Variants in SMAGP observed in about 807,000 individuals in gnomAD.
SMAGP encodes the protein small cell adhesion glycoprotein.
SMAGP carries 7 observed loss-of-function variants against 10.1 expected under a neutral mutation model. The ratio of observed to expected loss-of-function variants is 0.70; its 90% CI spans 0.40 to 1.31. The LOEUF is 1.31. Among genes scored for constraint, SMAGP ranks in the 50% most tolerant of loss-of-function variants. The pLI is 0.01. For missense variants in SMAGP, 113 were observed against 116.5 expected (o/e 0.97, Z 0.14); for synonymous variants, 49 against 47.2 (o/e 1.04, Z -0.16).
At chr12:51,251,592 G>GA (rs370141151) in intron 2 of SMAGP, 9,534 of 100,100 alleles carry the variant, frequency 0.095, 391 homozygotes, top group Middle Eastern at 0.14. Context: ...CCCTGTTTCA[G>GA]AAAAAAAAAA....
intron 2 of SMAGP, among the ~76,000 whole-genome samples, chr12:51,260,686 T>A (rs1266532793): frequency 7.2e-6 from 1 of 138,244 alleles, no homozygotes; most frequent in Non-Finnish European, 1.6e-5. Context: ...CCAATTTTTT[T>A]TTTTTTTTTT....
intron 2 of SMAGP, among the ~76,000 whole-genome samples, chr12:51,257,125 G>A (rs1944892573): frequency 6.6e-6 from 1 of 152,156 alleles, no homozygotes; most frequent in Admixed American, 6.6e-5. Context: ...TGACTGGAGG[G>A]GAAAGGGAGT....
Position 51,246,790 on chromosome 12 carries a change from G to C in SMAGP, c.76C>G (p.Leu26Val), listed in dbSNP as rs764346286. The change falls in exon 3 of 4, where the codon CTG becomes GTG. Residue 26 changes from leucine (L) to valine (V), a missense_variant. Transcript: ENST00000603798. The stretch of plus-strand genomic sequence containing the variant: ...GTGCTGGCTCCATCTTCTGGGGACA[G>C]GGCCTCAGTGGGCTGTAAAATTGGG... ...TTPILQPTEA[L>V]SPEDGASTAL... 1 of 1,583,694 alleles carries C rather than the reference G, an allele frequency of 6.3e-7. No homozygotes were observed.
intron 2 of SMAGP, among the ~76,000 whole-genome samples, chr12:51,254,884 G>C (rs1028145675): frequency 6.6e-6 from 1 of 152,196 alleles, no homozygotes; most frequent in Admixed American, 6.5e-5. Context: ...AGGCCCCTGA[G>C]TGGGAGTAAC....
chr12:51,252,527 A>G (rs1399825564), intron 2 of SMAGP, among the ~76,000 whole-genome samples: 2 of 151,478 alleles, frequency 1.3e-5, no homozygotes, highest in East Asian at 3.9e-4. Context: ...AAGTAGCTGG[A>G]ATTACAGGCA....
intron 2 of SMAGP, among the ~76,000 whole-genome samples, chr12:51,251,251 T>TA (rs1375227123): frequency 2.6e-5 from 4 of 151,904 alleles, no homozygotes; most frequent in Non-Finnish European, 5.9e-5. Flanking sequence ...CTGGACAATA[T>TA]AGCAAGACAC....
rs546937703 is a variant in SMAGP, at chr12:51,259,656, T to C, written c.34+9589A>G. Among the ~76,000 whole-genome samples the C allele has an allele frequency of 7.9e-5, 12 of 152,314 alleles. No individual in the cohort carries two copies. In the East Asian group the frequency reaches 1.7e-3, roughly 22 times the overall value. On this transcript the variant is annotated intron_variant, in intron 2 of 3. Coordinates refer to ENST00000603798, the MANE Select transcript of SMAGP (RefSeq NM_001031628.2). Reference sequence around the variant, plus strand: ...AAAAACCACTGACACTGGAAGGATATACTCCAAAACAGCAGCAGGAGTTAC... The same window carrying C: ...AAAAACCACTGACACTGGAAGGATACACTCCAAAACAGCAGCAGGAGTTAC...
At chr12:51,264,713 C>A (rs1944958744) in intron 2 of SMAGP, among the ~76,000 whole-genome samples, 1 of 151,158 alleles carries the variant, frequency 6.6e-6, no homozygotes, top group Non-Finnish European at 1.5e-5. Flanking sequence ...AGGCGGATTG[C>A]CTGAGCTCAG....
intron 2 of SMAGP, among the ~76,000 whole-genome samples, chr12:51,263,773 C>CT (rs1483722783): frequency 6.6e-6 from 1 of 152,166 alleles, no homozygotes; most frequent in African/African-American, 2.4e-5. Flanking sequence ...GACTTATGCA[C>CT]TAGGCACAAC....
intron 2 of SMAGP, among the ~76,000 whole-genome samples, chr12:51,262,644 A>G (rs79054933): frequency 0.024 from 3,619 of 152,278 alleles, 138 homozygotes; most frequent in African/African-American, 0.083. Context: ...AGTCTTTCCA[A>G]ACCTTCCCTG....
At chr12:51,259,551 G>A (rs1944914811) in intron 2 of SMAGP, among the ~76,000 whole-genome samples, 1 of 152,104 alleles carries the variant, frequency 6.6e-6, no homozygotes, top group Admixed American at 6.6e-5. Context: ...CTTAGGTTCA[G>A]GAAGCCAACT....
intron 2 of SMAGP, among the ~76,000 whole-genome samples, chr12:51,262,158 TTC>T (rs1035451113): frequency 6.6e-6 from 1 of 151,976 alleles, no homozygotes; most frequent in Non-Finnish European, 1.5e-5. Flanking sequence ...TAGAAAGCTG[TTC>T]TCTGAGGGGC....
chr12:51,268,625 T>A (rs1395178021), intron 2 of SMAGP, among the ~76,000 whole-genome samples: 1 of 130,384 alleles, frequency 7.7e-6, no homozygotes, highest in Non-Finnish European at 1.6e-5. Flanking sequence ...GGTCTCACTT[T>A]GTTGCCCAGG....
chr12:51,252,441 G>A (rs543342370), intron 2 of SMAGP, among the ~76,000 whole-genome samples: 55 of 151,334 alleles, frequency 3.6e-4, no homozygotes, highest in Non-Finnish European at 6.6e-4. Flanking sequence ...ACCCAGGCTG[G>A]AGTGCAGTGG....
intron 2 of SMAGP, among the ~76,000 whole-genome samples, chr12:51,247,649 G>T (rs1410156573): frequency 6.6e-6 from 1 of 152,194 alleles, no homozygotes; most frequent in African/African-American, 2.4e-5. Context: ...TAATGTAGAG[G>T]TTACTGCAGG....
At chr12:51,254,556 G>A (rs1944870108) in intron 2 of SMAGP, among the ~76,000 whole-genome samples, 1 of 151,794 alleles carries the variant, frequency 6.6e-6, no homozygotes, top group Non-Finnish European at 1.5e-5. Context: ...AAAAAAAAAA[G>A]TAAAAATAAA....
At chr12:51,250,661 C>T (rs1221516918) in intron 2 of SMAGP, among the ~76,000 whole-genome samples, 1 of 152,038 alleles carries the variant, frequency 6.6e-6, no homozygotes, top group East Asian at 1.9e-4. Flanking sequence ...GGATTATAAG[C>T]GTGTGCCACC....
At chr12:51,248,430 ACACACTCTCT>A (rs1484434022) in intron 2 of SMAGP, among the ~76,000 whole-genome samples, 70 of 91,506 alleles carry the variant, frequency 7.6e-4, no homozygotes, top group African/African-American at 1.5e-3. Context: ...ACACACACAC[ACACACTCTCT>A]CTCTCTCTCT....
chr12:51,259,574 T>C (rs1944914902), intron 2 of SMAGP, among the ~76,000 whole-genome samples: 1 of 151,908 alleles, frequency 6.6e-6, no homozygotes, highest in Admixed American at 6.6e-5. Flanking sequence ...TCACAAAGAA[T>C]GGGGAAGCTA....
Sources: gnomAD v4.1 joint callset for allele counts (sites outside exome capture counted in the v4.1 genomes callset) on GRCh38, gnomAD v4.1.1 for gene constraint, MANE v1.5 for transcripts, NCBI Gene and HGNC (gene_info 2026-07-23, HGNC 2026-07-21) for gene names.